The following NKAIN1 variants were observed in gnomAD, a reference collection of about 807,000 sequenced individuals.
The protein encoded by NKAIN1 is sodium/potassium-transporting ATPase subunit beta-1-interacting protein 1.
Under a neutral mutation model 31.6 loss-of-function variants are expected in NKAIN1, and 13 were observed. The ratio of observed to expected loss-of-function variants is 0.41; its 90% CI spans 0.27 to 0.65. The LOEUF is 0.65. NKAIN1 is among the 30% of genes least tolerant of loss of function. The pLI is 0.30. For missense variants in NKAIN1, 193 were observed against 262.2 expected (o/e 0.74, Z 1.82); for synonymous variants, 104 against 109.0 (o/e 0.95, Z 0.28).
chr1:31,183,462 T>TTTTTTTTTTTTTTC, intron 4 of NKAIN1, among the ~76,000 whole-genome samples: 1 of 104,916 alleles, frequency 9.5e-6, no homozygotes, highest in African/African-American at 3.1e-5. Flanking sequence ...TTTTTTTTTT[T>TTTTTTTTTTTTTTC]TTTTTTATGG....
At chr1:31,238,045 T>G (rs1381913147) in intron 1 of NKAIN1, among the ~76,000 whole-genome samples, 1 of 152,162 alleles carries the variant, frequency 6.6e-6, no homozygotes, top group Admixed American at 6.5e-5. Flanking sequence ...ATTAATTCCC[T>G]CTGCAATCCT....
Position 31,197,558 on chromosome 1 carries a change from TTTC to T in NKAIN1, c.55-9374_55-9372del, listed in dbSNP as rs1251132383. 3.8e-3 allele frequency among the ~76,000 whole-genome samples: 551 copies of T among 146,914 alleles called. 32 individuals are homozygous for T. In the East Asian group the frequency reaches 0.091, roughly 24 times the overall value. The stretch of plus-strand genomic sequence containing the variant: ...ACCGTGCCCGGCCTTTTTTTTTTTT[TTTC>T]CCTGAGATGGAGTCCAGCTTCGTCG... On this transcript the variant is annotated intron_variant, in intron 1 of 6. Coordinates refer to ENST00000373736, the MANE Select transcript of NKAIN1 (RefSeq NM_024522.3).
rs542671307 is a variant in NKAIN1, at chr1:31,225,033, C to CTTTTCTTTTTTTTTTTTTTTTT, written c.54+14460_54+14461insAAAAAAAAAAAAAAAAAGAAAA. ...AGCCCATTTCTTTTTCTTTTCTTTT[C>CTTTTCTTTTTTTTTTTTTTTTT]TTTTTTTTTTTTTGAGACGGACTCT... On this transcript the variant is annotated intron_variant, in intron 1 of 6. Coordinates refer to ENST00000373736, the MANE Select transcript of NKAIN1 (RefSeq NM_024522.3). Among the ~76,000 whole-genome samples the CTTTTCTTTTTTTTTTTTTTTTT allele has an allele frequency of 2.2e-3, 243 of 112,072 alleles. 10 individuals are homozygous for CTTTTCTTTTTTTTTTTTTTTTT. Among genetic ancestry groups the CTTTTCTTTTTTTTTTTTTTTTT allele is most frequent in the African/African-American group, 6.0e-3 (144 of 23,874 alleles). 73.5% of individuals were successfully genotyped at this position (112,072 alleles called of 152,430 possible). A position where few individuals can be genotyped will look rare whatever the true frequency, so the allele number is the denominator to read the frequency against.
At chr1:31,226,911 C>T (rs955413729) in intron 1 of NKAIN1, among the ~76,000 whole-genome samples, 6 of 151,978 alleles carry the variant, frequency 3.9e-5, no homozygotes, top group Non-Finnish European at 8.8e-5. Context: ...GCAACCTCTG[C>T]CTCTCGGGTT....
rs976031980 is a variant in NKAIN1, at chr1:31,182,024, AG to A, written c.533-84del. 2.2e-6 allele frequency: 3 copies of A among 1,340,324 alleles called. No individual in the cohort carries two copies. In the African/African-American group the frequency reaches 4.3e-5, roughly 19 times the overall value. The allele number at this position is 1,340,324 out of a possible 1,614,324, so 83.0% of individuals were successfully genotyped here. ...CTGGGTCCTGAAGGGGAAGAATCTG[AG>A]GGCAGGACTCCCACCCTAGGAAGCG... On this transcript the variant is annotated intron_variant, in intron 5 of 6. Coordinates refer to ENST00000373736, the MANE Select transcript of NKAIN1 (RefSeq NM_024522.3).
intron 1 of NKAIN1, among the ~76,000 whole-genome samples, chr1:31,235,356 G>T (rs757562940): frequency 2.0e-5 from 3 of 151,280 alleles, no homozygotes; most frequent in African/African-American, 7.2e-5. Flanking sequence ...ACACCAAAAA[G>T]AATTCTGGAA....
chr1:31,206,932 G>A (rs1049948242), intron 1 of NKAIN1, among the ~76,000 whole-genome samples: 1 of 151,958 alleles, frequency 6.6e-6, no homozygotes. Context: ...ATGGGGTTTC[G>A]CCGTGTTGGC....
intron 1 of NKAIN1, among the ~76,000 whole-genome samples, chr1:31,226,523 CT>C (rs35709945): frequency 0.024 from 3,157 of 132,048 alleles, 88 homozygotes; most frequent in African/African-American, 0.081. Flanking sequence ...TGAAGAAAAT[CT>C]TTTTTTTTTT....
chr1:31,227,145 T>C (rs1362664158), intron 1 of NKAIN1, among the ~76,000 whole-genome samples: 1 of 152,178 alleles, frequency 6.6e-6, no homozygotes, highest in African/African-American at 2.4e-5. Flanking sequence ...TTTTTACCCC[T>C]TTATGAGTTC....
At chr1:31,229,625 A>AACATCTGCCTCCCAGGTTCAAG (rs1645631367) in intron 1 of NKAIN1, among the ~76,000 whole-genome samples, 1 of 151,606 alleles carries the variant, frequency 6.6e-6, no homozygotes, top group Non-Finnish European at 1.5e-5. Context: ...AGCTCACCAG[A>AACATCTGCCTCCCAGGTTCAAG]CAGACAGACA....
chr1:31,202,875 G>A (rs1220309642), intron 1 of NKAIN1, among the ~76,000 whole-genome samples: 38 of 151,172 alleles, frequency 2.5e-4, no homozygotes, highest in African/African-American at 8.3e-4. Context: ...TACTCGGGAG[G>A]CTGAGGCAAG....
chr1:31,239,380 G>T lies in NKAIN1; in HGVS notation c.54+114C>A. On this transcript the variant is annotated intron_variant, in intron 1 of 6. Coordinates refer to ENST00000373736, the MANE Select transcript of NKAIN1 (RefSeq NM_024522.3). The surrounding 1 kb of genome is among the most constrained non-coding windows in gnomAD (Gnocchi z 4.8). ...CGAGACTCCAGACCACCCCCCGCCCGGGCACACGCACCAGACACACACACA... is the reference window on the plus strand; with the variant it reads ...CGAGACTCCAGACCACCCCCCGCCCTGGCACACGCACCAGACACACACACA... 1 of 732,442 alleles carries T rather than the reference G, an allele frequency of 1.4e-6. No individual in the cohort carries two copies. Among genetic ancestry groups the T allele is most frequent in the Non-Finnish European group, 1.9e-6 (1 of 519,748 alleles). The allele number at this position is 732,442 out of a possible 1,614,324, so 45.4% of individuals were successfully genotyped here. A position where few individuals can be genotyped will look rare whatever the true frequency, so the allele number is the denominator to read the frequency against.
intron 1 of NKAIN1, among the ~76,000 whole-genome samples, chr1:31,236,626 A>G (rs1645694338): frequency 6.6e-6 from 1 of 152,128 alleles, no homozygotes; most frequent in African/African-American, 2.4e-5. Flanking sequence ...CAAGAGAGCA[A>G]TTTTCAAGTT....
At chr1:31,213,048 T>G (rs1432829914) in intron 1 of NKAIN1, among the ~76,000 whole-genome samples, 2 of 150,436 alleles carry the variant, frequency 1.3e-5, no homozygotes, top group African/African-American at 2.4e-5. Context: ...TTTTGTTTTT[T>G]TTTTTTTTGA....
chr1:31,186,704 C>T (rs1026676562), intron 2 of NKAIN1, among the ~76,000 whole-genome samples: 9 of 152,162 alleles, frequency 5.9e-5, no homozygotes, highest in African/African-American at 2.2e-4. Flanking sequence ...CACTTTCCTC[C>T]CTCCCTTCCT....
rs190346203 is a variant in NKAIN1 at position 31,231,679 on chromosome 1, C to T, written c.54+7815G>A. Among the ~76,000 whole-genome samples, 947 of 136,972 alleles carry T rather than the reference C, an allele frequency of 6.9e-3. 8 individuals are homozygous for T. Among genetic ancestry groups the T allele is most frequent in the African/African-American group, 0.023 (845 of 36,552 alleles). The allele number at this position is 136,972 out of a possible 152,430, so 89.9% of individuals were successfully genotyped here. A position where few individuals can be genotyped will look rare whatever the true frequency, so the allele number is the denominator to read the frequency against. On this transcript the variant is annotated intron_variant, in intron 1 of 6. Transcript: ENST00000373736. Reference sequence around the variant, plus strand: ...CCGAGTAGCTGGAACTACAGGCGCCCGCCACCACGCCCGGCTAATTTTTTG... The same window carrying T: ...CCGAGTAGCTGGAACTACAGGCGCCTGCCACCACGCCCGGCTAATTTTTTG...
At chr1:31,218,072 T>TTTCTTTCTTTC (rs1191182805) in intron 1 of NKAIN1, among the ~76,000 whole-genome samples, 72 of 31,282 alleles carry the variant, frequency 2.3e-3, no homozygotes, top group Non-Finnish European at 4.9e-3. Context: ...TTCTTTCTTT[T>TTTCTTTCTTTC]TTTTTTTTGA....
chr1:31,202,655 C>T lies in NKAIN1; in HGVS notation c.55-14468G>A, dbSNP rs150626563. On this transcript the variant is annotated intron_variant, in intron 1 of 6. Transcript: ENST00000373736. ...TTGTGCCACCGCACTCCAGCCTGGG[C>T]GACAGAGGAGACTCTGTATAAAAAA... Among the ~76,000 whole-genome samples, 652 of 115,098 alleles carry T rather than the reference C, an allele frequency of 5.7e-3. 7 individuals carry two copies. Among genetic ancestry groups the T allele is most frequent in the African/African-American group, 0.021 (608 of 29,552 alleles). 75.5% of individuals were successfully genotyped at this position (115,098 alleles called of 152,430 possible).
chr1:31,218,016 TTTTCTTTCTTTCTTTC>T (rs1553163596), intron 1 of NKAIN1, among the ~76,000 whole-genome samples: 62 of 108,242 alleles, frequency 5.7e-4, no homozygotes, highest in Middle Eastern at 4.8e-3. Context: ...GCAGCTACCA[TTTTCTTTCTTTCTTTC>T]TTTCTTTCTT....
Sources: gnomAD v4.1 joint callset for allele counts (sites outside exome capture counted in the v4.1 genomes callset) on GRCh38, gnomAD v4.1.1 for gene constraint, Gnocchi (gnomAD v3.1) non-coding constraint, MANE v1.5 for transcripts, NCBI Gene and HGNC (gene_info 2026-07-23, HGNC 2026-07-21) for gene names.